The following ASTN2 variants were observed in gnomAD, a reference collection of about 807,000 sequenced individuals.
ASTN2 encodes astrotactin-2.
ASTN2 carries 54 observed loss-of-function variants against 139.8 expected under a neutral mutation model. The observed-to-expected ratio is 0.39, with a 90% CI of 0.31 to 0.48. The LOEUF is 0.48. Ranked by LOEUF, ASTN2 falls within the 20% of genes least tolerant of loss-of-function variation. The pLI is 0.95. For missense variants in ASTN2, 1,565 were observed against 1,725.1 expected, an observed-to-expected ratio of 0.91 and a Z score of 1.64; for synonymous variants, 756 against 719.5, an observed-to-expected ratio of 1.05 and a Z score of -0.81.
intron 1 of ASTN2, among the ~76,000 whole-genome samples, chr9:117,363,026 T>C (rs1182336452): frequency 1.3e-5 from 2 of 152,096 alleles, no homozygotes; most frequent in East Asian, 3.9e-4. Context: ...GGGGTGGGGA[T>C]CTCTCCTGCT....
At chr9:116,619,689 T>A (rs1005573187) in intron 18 of ASTN2, among the ~76,000 whole-genome samples, 1 of 72,034 alleles carries the variant, frequency 1.4e-5, no homozygotes. Context: ...ACACGGGCTA[T>A]TTTTTTTTTT....
rs142894216 is a variant in ASTN2, at chr9:117,341,325, G to A, written c.443-49812C>T. Among the ~76,000 whole-genome samples, 271 of 152,176 alleles carry A rather than the reference G, an allele frequency of 1.8e-3. 2 individuals carry two copies. The highest frequency in any genetic ancestry group is 6.8e-3 in the Middle Eastern group (2 of 294). On this transcript the variant is annotated intron_variant, in intron 1 of 22. Coordinates refer to ENST00000313400, the MANE Select transcript of ASTN2 (RefSeq NM_001365068.1). ...TTATTCACTGAGATAGGAATGATCTGCCAAAGCATTTTTACACACAAGAGA... is the reference window on the plus strand; with the variant it reads ...TTATTCACTGAGATAGGAATGATCTACCAAAGCATTTTTACACACAAGAGA...
At chr9:116,854,258 T>C (rs532289330) in intron 11 of ASTN2, among the ~76,000 whole-genome samples, 107 of 152,172 alleles carry the variant, frequency 7.0e-4, no homozygotes, top group Non-Finnish European at 1.2e-3. Context: ...CTGCATGAGA[T>C]ATCAGATAAT....
intron 16 of ASTN2, among the ~76,000 whole-genome samples, chr9:116,697,004 A>C (rs10983306): frequency 0.16 from 23,637 of 151,218 alleles, 2,368 homozygotes; most frequent in Non-Finnish European, 0.23. Context: ...TCTTTGCTTA[A>C]AGTACCTTTA....
intron 3 of ASTN2, among the ~76,000 whole-genome samples, chr9:117,208,066 C>T (rs1354552447): frequency 2.0e-5 from 3 of 152,060 alleles, no homozygotes; most frequent in African/African-American, 7.2e-5. Flanking sequence ...CTACCACATG[C>T]TAAGAAATCA....
chr9:117,225,965 A>G (rs1218890321), intron 2 of ASTN2, among the ~76,000 whole-genome samples: 1 of 152,126 alleles, frequency 6.6e-6, no homozygotes, highest in Non-Finnish European at 1.5e-5. Flanking sequence ...TGAAGAACTC[A>G]CAGTTGGTTT....
At chr9:116,918,389 G>T (rs1834511796) in intron 10 of ASTN2, among the ~76,000 whole-genome samples, 1 of 152,066 alleles carries the variant, frequency 6.6e-6, no homozygotes, top group Non-Finnish European at 1.5e-5. Context: ...CAGTCTTGAG[G>T]CTGGGGGATG....
intron 19 of ASTN2, chr9:116,583,450 C>T (rs1020624296): frequency 6.6e-6 from 1 of 152,108 alleles, no homozygotes; most frequent in Non-Finnish European, 1.5e-5. Flanking sequence ...CCTATTCTTG[C>T]TCATCATCGA....
At chr9:116,758,844 C>A in intron 13 of ASTN2, among the ~76,000 whole-genome samples, 1 of 152,226 alleles carries the variant, frequency 6.6e-6, no homozygotes, top group Non-Finnish European at 1.5e-5. Context: ...TAGTGCTTGG[C>A]TTAGTGGACA....
At chr9:116,840,406 G>T (rs558354515) in intron 11 of ASTN2, among the ~76,000 whole-genome samples, 1 of 150,724 alleles carries the variant, frequency 6.6e-6, no homozygotes, top group African/African-American at 2.4e-5. Flanking sequence ...CCTCCCAGAC[G>T]GGGTGGTGGC....
chr9:116,976,592 G>T, intron 8 of ASTN2, 109 bp downstream of exon 8: 1 of 897,516 alleles, frequency 1.1e-6, no homozygotes. Flanking sequence ...CACTACTGTT[G>T]CAGAGAAAGA....
At chr9:117,225,341 C>A (rs1029890227) in intron 2 of ASTN2, among the ~76,000 whole-genome samples, 1 of 151,568 alleles carries the variant, frequency 6.6e-6, no homozygotes, top group Non-Finnish European at 1.5e-5. Flanking sequence ...AAATCCCACT[C>A]TGAAGGACGG....
intron 19 of ASTN2, among the ~76,000 whole-genome samples, chr9:116,533,160 T>C (rs937217102): frequency 6.6e-6 from 1 of 152,182 alleles, no homozygotes; most frequent in African/African-American, 2.4e-5. Context: ...GGCTCTCTGT[T>C]TGTCTGTTAT....
At chr9:117,267,101 T>G (rs1833954703) in intron 2 of ASTN2, among the ~76,000 whole-genome samples, 2 of 152,200 alleles carry the variant, frequency 1.3e-5, no homozygotes, top group South Asian at 4.1e-4. Flanking sequence ...GAGCACTTCA[T>G]CTTTGTGGCA....
chr9:116,815,225 A>C lies in ASTN2; in HGVS notation c.2207+5392T>G, dbSNP rs11793091. ...ACTAGACTTCAGCTTTGACAATGAA[A>C]ATACGTGGCTTCCAGTTACTATGCA... is the stretch of plus-strand genomic sequence containing the variant. On this transcript the variant is annotated intron_variant, in intron 12 of 22. Coordinates refer to ENST00000313400, the MANE Select transcript of ASTN2 (RefSeq NM_001365068.1). 7.3e-3 allele frequency among the ~76,000 whole-genome samples: 1,118 copies of C among 152,324 alleles called. 4 individuals carry two copies. The highest frequency in any genetic ancestry group is 0.011 in the Non-Finnish European group (780 of 68,028).
chr9:116,607,119 C>T (rs1384136502), intron 19 of ASTN2, among the ~76,000 whole-genome samples: 1 of 152,162 alleles, frequency 6.6e-6, no homozygotes, highest in Non-Finnish European at 1.5e-5. Context: ...TTTTAGAAGG[C>T]TTACCATGTA....
chr9:117,120,009 TGTGTG>T, intron 4 of ASTN2, among the ~76,000 whole-genome samples: 1 of 52,274 alleles, frequency 1.9e-5, no homozygotes, highest in African/African-American at 6.8e-5. Flanking sequence ...TGTGTGTGTG[TGTGTG>T]TGTGTATATA....
intron 16 of ASTN2, among the ~76,000 whole-genome samples, chr9:116,669,033 G>A (rs1295935345): frequency 3.3e-5 from 5 of 152,156 alleles, no homozygotes; most frequent in Non-Finnish European, 7.3e-5. Context: ...AGCTCTGGAG[G>A]TGGGGATTCA....
intron 10 of ASTN2, among the ~76,000 whole-genome samples, chr9:116,931,363 C>T (rs967557867): frequency 2.6e-5 from 4 of 152,116 alleles, no homozygotes; most frequent in South Asian, 2.1e-4. Context: ...GTCACAGGTG[C>T]GAGTCACTGC....
Sources: gnomAD v4.1 joint callset for allele counts (sites outside exome capture counted in the v4.1 genomes callset) on GRCh38, gnomAD v4.1.1 for gene constraint, MANE v1.5 for transcripts, NCBI Gene and HGNC (gene_info 2026-07-23, HGNC 2026-07-21) for gene names.